Variants in MIPOL1 observed in about 807,000 individuals in gnomAD.
MIPOL1 encodes the protein mirror-image polydactyly 1.
A neutral mutation model predicts 60.9 loss-of-function variants in MIPOL1; 57 were observed. That is an observed-to-expected ratio of 0.94 (90% CI 0.76 to 1.17). MIPOL1 has a LOEUF of 1.17. Ranked by LOEUF, MIPOL1 falls within the 50% of genes most tolerant of loss-of-function variation. The pLI is 0.00. For missense variants in MIPOL1, 551 were observed against 511.6 expected, an observed-to-expected ratio of 1.08 and a Z score of -0.74; for synonymous variants, 179 against 168.8, an observed-to-expected ratio of 1.06 and a Z score of -0.47.
intron 9 of MIPOL1, among the ~76,000 whole-genome samples, chr14:37,348,834 T>G (rs1273522128): frequency 2.0e-5 from 3 of 148,886 alleles, no homozygotes; most frequent in East Asian, 2.0e-4. Context: ...TTTTGTTTTT[T>G]TTTTTTTTTT....
At chr14:37,448,455 G>T (rs2094370181) in intron 11 of MIPOL1, among the ~76,000 whole-genome samples, 1 of 152,190 alleles carries the variant, frequency 6.6e-6, no homozygotes, top group Non-Finnish European at 1.5e-5. Flanking sequence ...CATTGATGTT[G>T]TTTTAAATAG....
intron 12 of MIPOL1, among the ~76,000 whole-genome samples, chr14:37,533,008 G>A (rs191621865): frequency 6.6e-6 from 1 of 151,984 alleles, no homozygotes; most frequent in Non-Finnish European, 1.5e-5. Context: ...GAAAATATAT[G>A]CATATGTGTT....
At chr14:37,312,139 ACT>A (rs2087396814) in intron 9 of MIPOL1, among the ~76,000 whole-genome samples, 1 of 152,034 alleles carries the variant, frequency 6.6e-6, no homozygotes. Flanking sequence ...ATGGATTCTC[ACT>A]CTGTCACCCA....
chr14:37,397,503 G>A (rs2093396986), intron 10 of MIPOL1, among the ~76,000 whole-genome samples: 2 of 152,164 alleles, frequency 1.3e-5, no homozygotes, highest in Non-Finnish European at 2.9e-5. Context: ...GAGAGCATCA[G>A]CTGTGGTAAT....
At chr14:37,297,616 A>G (rs2085879732) in intron 7 of MIPOL1, among the ~76,000 whole-genome samples, 2 of 152,252 alleles carry the variant, frequency 1.3e-5, no homozygotes, top group African/African-American at 4.8e-5. Context: ...GTCTCAGGAT[A>G]CAAAATCAGT....
chr14:37,422,879 G>A lies in MIPOL1; in HGVS notation c.961G>A (p.Ala321Thr). 1 of 1,607,578 alleles carries A rather than the reference G, an allele frequency of 6.2e-7. No individual in the cohort carries two copies. Among genetic ancestry groups the A allele is most frequent in the Non-Finnish European group, 8.5e-7 (1 of 1,176,228 alleles). The change falls in exon 11 of 13, where the codon GCC becomes ACC. Residue 321 changes from alanine (A) to threonine (T), a missense_variant. Transcript: ENST00000684589. ...LKAKLLSMQQ[A>T]RETAVQQYKK... is the part of the protein sequence containing the mutation. ...GGCAAAGTTGTTATCTATGCAACAA[G>A]CCAGAGAAACTGCAGTTCAACAGTA...
chr14:37,396,720 T>G (rs2093378872), intron 10 of MIPOL1, among the ~76,000 whole-genome samples: 1 of 152,154 alleles, frequency 6.6e-6, no homozygotes, highest in African/African-American at 2.4e-5. Context: ...TTCAAAGACC[T>G]TGTCTTCAAG....
intron 11 of MIPOL1, among the ~76,000 whole-genome samples, chr14:37,468,194 G>A (rs561142610): frequency 1.3e-5 from 2 of 152,076 alleles, no homozygotes; most frequent in Non-Finnish European, 2.9e-5. Flanking sequence ...GCAATTGTGT[G>A]TGTGTAGTTG....
At chr14:37,454,593 C>T (rs1192032396) in intron 11 of MIPOL1, among the ~76,000 whole-genome samples, 50 of 152,124 alleles carry the variant, frequency 3.3e-4, no homozygotes, top group Non-Finnish European at 1.5e-5. Flanking sequence ...TTGTTTTCAA[C>T]TTTCAATCAT....
At chr14:37,244,442 A>C (rs1972867949) in intron 1 of MIPOL1, among the ~76,000 whole-genome samples, 1 of 151,804 alleles carries the variant, frequency 6.6e-6, no homozygotes, top group Admixed American at 6.6e-5. Context: ...TATATACTGA[A>C]AATTTTTCAG....
intron 1 of MIPOL1, chr14:37,219,441 C>T (rs971599257): frequency 6.6e-6 from 1 of 152,194 alleles, no homozygotes; most frequent in African/African-American, 2.4e-5. Context: ...GATCACTGTT[C>T]ACTGCAGCCT....
At chr14:37,231,000 A>AT (rs1462153222) in intron 1 of MIPOL1, among the ~76,000 whole-genome samples, 2 of 152,128 alleles carry the variant, frequency 1.3e-5, no homozygotes, top group African/African-American at 4.8e-5. Context: ...GAATGTGTAC[A>AT]GTTGATTGGT....
chr14:37,344,449 C>A (rs957721493), intron 9 of MIPOL1, among the ~76,000 whole-genome samples: 1 of 151,418 alleles, frequency 6.6e-6, no homozygotes, highest in Admixed American at 6.6e-5. Flanking sequence ...TTCCGAGTAT[C>A]CAAATATGGA....
intron 9 of MIPOL1, among the ~76,000 whole-genome samples, chr14:37,324,619 T>C (rs1185693296): frequency 1.5e-3 from 228 of 152,216 alleles, no homozygotes; most frequent in Non-Finnish European, 1.5e-4. Context: ...TTAAGGAATC[T>C]TTCCGCATTT....
chr14:37,212,638 G>T (rs1966882857), intron 1 of MIPOL1, among the ~76,000 whole-genome samples: 1 of 152,126 alleles, frequency 6.6e-6, no homozygotes, highest in South Asian at 2.1e-4. Flanking sequence ...GGGCCTGGGG[G>T]ACCTCACCAC....
intron 10 of MIPOL1, among the ~76,000 whole-genome samples, chr14:37,408,623 T>A (rs960167214): frequency 6.6e-6 from 1 of 152,182 alleles, no homozygotes; most frequent in Admixed American, 6.6e-5. Context: ...AGGGAGACCC[T>A]GTCTCAAAAC....
chr14:37,310,745 A>T (rs1022704880), intron 9 of MIPOL1, among the ~76,000 whole-genome samples: 1 of 152,050 alleles, frequency 6.6e-6, no homozygotes, highest in African/African-American at 2.4e-5. Context: ...TGTATTTTGG[A>T]TGAGGCCTCC....
At chr14:37,359,167 G>A (rs1374321873) in intron 9 of MIPOL1, among the ~76,000 whole-genome samples, 1 of 152,126 alleles carries the variant, frequency 6.6e-6, no homozygotes, top group Non-Finnish European at 1.5e-5. Flanking sequence ...TACTTCTGAG[G>A]CCTCTGTTCT....
At chr14:37,243,735 G>C (rs1972710430) in intron 1 of MIPOL1, among the ~76,000 whole-genome samples, 2 of 152,056 alleles carry the variant, frequency 1.3e-5, no homozygotes, top group African/African-American at 4.8e-5. Context: ...TTAAAATCCT[G>C]GATACTGTTA....
Sources: allele counts gnomAD v4.1 joint callset (sites outside exome capture counted in the v4.1 genomes callset), GRCh38; gene constraint gnomAD v4.1.1; transcripts MANE v1.5; gene names NCBI Gene and HGNC (gene_info 2026-07-23, HGNC 2026-07-21).